Variants in GPC5 observed in about 807,000 individuals in gnomAD.
The protein encoded by GPC5 is glypican 5, also known as glypican-5.
GPC5 carries 47 observed loss-of-function variants against 53.9 expected under a neutral mutation model. The ratio of observed to expected loss-of-function variants is 0.87; its 90% CI spans 0.69 to 1.11. The LOEUF (loss-of-function observed/expected upper bound fraction) is 1.11, where lower values mean the gene tolerates loss of function less well. Among genes scored for constraint, GPC5 ranks in the 50% most tolerant of loss-of-function variants. The pLI is 0.00. For synonymous variants in GPC5, 286 were observed against 263.3 expected, an observed-to-expected ratio of 1.09 and a Z score of -0.84; for missense variants, 748 against 713.1, an observed-to-expected ratio of 1.05 and a Z score of -0.56.
At chr13:92,383,097 A>G (rs944673634) in intron 7 of GPC5, among the ~76,000 whole-genome samples, 7 of 152,104 alleles carry the variant, frequency 4.6e-5, no homozygotes, top group African/African-American at 1.4e-4. Flanking sequence ...TTCATTGGCC[A>G]TAAAAAGGAC....
At chr13:91,411,319 G>A (rs988530245) in intron 1 of GPC5, among the ~76,000 whole-genome samples, 7 of 152,192 alleles carry the variant, frequency 4.6e-5, no homozygotes, top group African/African-American at 1.4e-4. Flanking sequence ...GTGTTCTTGC[G>A]TGTTGTAGTG....
rs528006978 is a variant in GPC5 at position 92,224,256 on chromosome 13, C to T, written c.1561+79267C>T. Among the ~76,000 whole-genome samples the T allele has an allele frequency of 4.6e-4, 70 of 152,276 alleles. 1 individual carries two copies. In the South Asian group the frequency reaches 0.014, roughly 30 times the overall value. ...TAATGTTATTGTTGAACCAACCTCT[C>T]TCTTCTCCTTAGAACAACGGAGAAT... On this transcript the variant is annotated intron_variant, in intron 7 of 7. Coordinates refer to ENST00000377067, the MANE Select transcript of GPC5 (RefSeq NM_004466.6).
intron 6 of GPC5, among the ~76,000 whole-genome samples, chr13:92,060,549 A>G (rs1051262186): frequency 1.3e-5 from 2 of 152,076 alleles, no homozygotes; most frequent in Non-Finnish European, 2.9e-5. Context: ...ATCAACAGCA[A>G]AACAAGATAT....
chr13:92,167,406 C>T (rs2042039535), intron 7 of GPC5, among the ~76,000 whole-genome samples: 1 of 151,974 alleles, frequency 6.6e-6, no homozygotes, highest in African/African-American at 2.4e-5. Flanking sequence ...TCAGATTCCA[C>T]AGGGTTTTAA....
chr13:92,514,306 A>G (rs1355150711), intron 7 of GPC5, among the ~76,000 whole-genome samples: 2 of 152,068 alleles, frequency 1.3e-5, no homozygotes, highest in Non-Finnish European at 2.9e-5. Flanking sequence ...GAATTAAGAC[A>G]TATACTATGG....
chr13:91,860,011 T>A (rs1410787374), intron 5 of GPC5, among the ~76,000 whole-genome samples: 2 of 152,120 alleles, frequency 1.3e-5, no homozygotes, highest in East Asian at 3.9e-4. Context: ...ATTACCCTGA[T>A]GAGATGATGG....
chr13:92,751,649 T>C (rs1328746998), intron 7 of GPC5, among the ~76,000 whole-genome samples: 1 of 151,570 alleles, frequency 6.6e-6, no homozygotes, highest in Non-Finnish European at 1.5e-5. Flanking sequence ...CTAATGTAAA[T>C]GACGAGTTAA....
chr13:92,287,092 A>AT (rs985570787), intron 7 of GPC5, among the ~76,000 whole-genome samples: 146 of 152,206 alleles, frequency 9.6e-4, no homozygotes, highest in African/African-American at 3.3e-3. Flanking sequence ...GTCTATAGTA[A>AT]TTTTTTATGG....
intron 7 of GPC5, among the ~76,000 whole-genome samples, chr13:92,770,556 G>A (rs996852306): frequency 5.3e-5 from 8 of 151,138 alleles, no homozygotes; most frequent in African/African-American, 1.9e-4. Context: ...GTGTTTCTTT[G>A]TTGAGATTTC....
intron 7 of GPC5, among the ~76,000 whole-genome samples, chr13:92,304,796 C>T (rs894388141): frequency 6.6e-6 from 1 of 152,080 alleles, no homozygotes; most frequent in Non-Finnish European, 1.5e-5. Flanking sequence ...TTGTTTCTCT[C>T]CTCTTAAATT....
intron 7 of GPC5, among the ~76,000 whole-genome samples, chr13:92,383,997 T>C (rs2043771202): frequency 6.6e-6 from 1 of 152,180 alleles, no homozygotes; most frequent in East Asian, 1.9e-4. Context: ...TTAAGGCCAT[T>C]TGTTCAGCAG....
At chr13:92,331,791 C>T (rs553725712) in intron 7 of GPC5, among the ~76,000 whole-genome samples, 1 of 152,014 alleles carries the variant, frequency 6.6e-6, no homozygotes, top group East Asian at 1.9e-4. Context: ...TGATTTAAGC[C>T]ACGGTTGCAG....
At chr13:92,184,094 T>C (rs1213509938) in intron 7 of GPC5, among the ~76,000 whole-genome samples, 3 of 152,170 alleles carry the variant, frequency 2.0e-5, no homozygotes, top group Non-Finnish European at 2.9e-5. Context: ...TTTTATGTGC[T>C]GTCTTTTGCT....
chr13:91,409,947 T>C (rs982952270), intron 1 of GPC5, among the ~76,000 whole-genome samples: 1 of 152,204 alleles, frequency 6.6e-6, no homozygotes, highest in African/African-American at 2.4e-5. Flanking sequence ...CACTTATAAG[T>C]GAGAACATGT....
intron 7 of GPC5, among the ~76,000 whole-genome samples, chr13:92,560,999 A>G (rs1882677987): frequency 6.6e-6 from 1 of 151,926 alleles, no homozygotes; most frequent in African/African-American, 2.4e-5. Context: ...TCTGAAGTAC[A>G]TTGAAAATAA....
chr13:92,000,269 A>G (rs999832528), intron 6 of GPC5, among the ~76,000 whole-genome samples: 4 of 146,870 alleles, frequency 2.7e-5, no homozygotes, highest in African/African-American at 9.9e-5. Flanking sequence ...TATTTTTTTT[A>G]TTAAAAAATA....
intron 2 of GPC5, among the ~76,000 whole-genome samples, chr13:91,480,151 T>C (rs553920935): frequency 1.1e-4 from 16 of 152,348 alleles, no homozygotes; most frequent in South Asian, 2.1e-4. Context: ...GGGAACTTTA[T>C]GTAGTTCAGT....
chr13:92,012,931 G>A (rs2040674858), intron 6 of GPC5, among the ~76,000 whole-genome samples: 1 of 152,218 alleles, frequency 6.6e-6, no homozygotes, highest in Non-Finnish European at 1.5e-5. Context: ...CCAGGCACAA[G>A]TGAGTGCATG....
intron 6 of GPC5, among the ~76,000 whole-genome samples, chr13:92,023,454 A>G (rs188202029): frequency 1.8e-3 from 268 of 152,200 alleles, no homozygotes; most frequent in Non-Finnish European, 2.8e-3. Context: ...TGTATTAAGG[A>G]ATATCATGGT....
Sources: gnomAD v4.1 joint callset for allele counts (sites outside exome capture counted in the v4.1 genomes callset) on GRCh38, gnomAD v4.1.1 for gene constraint, MANE v1.5 for transcripts, NCBI Gene and HGNC (gene_info 2026-07-23, HGNC 2026-07-21) for gene names.